Variants in KPNA7 observed in about 807,000 individuals in gnomAD.
The protein encoded by KPNA7 is importin subunit alpha-8.
A neutral mutation model predicts 53.7 loss-of-function variants in KPNA7; 54 were observed. The ratio of observed to expected loss-of-function variants is 1.01; its 90% CI spans 0.81 to 1.26. KPNA7 has a LOEUF of 1.26. KPNA7 is among the 50% of genes most tolerant of loss of function. The pLI is 0.00. For missense variants in KPNA7, 640 were observed against 644.5 expected, an observed-to-expected ratio of 0.99 and a Z score of 0.07; for synonymous variants, 276 against 259.3, an observed-to-expected ratio of 1.06 and a Z score of -0.62.
At chr7:99,193,156 T>C (rs762096903) in intron 5 of KPNA7, 55 bp from the exon 6 acceptor site, 1 of 1,133,730 alleles carries the variant, frequency 8.8e-7, no homozygotes, top group Admixed American at 3.2e-5. Context: ...AATCCTGAAG[T>C]GGGTGACTAA....
chr7:99,178,771 CAAAAAAAAAAAAAAAAAAAAAAAAA>C (rs756807848), intron 9 of KPNA7, among the ~76,000 whole-genome samples: 1 of 27,678 alleles, frequency 3.6e-5, no homozygotes, highest in Non-Finnish European at 6.4e-5. Context: ...ATCTTTGTCT[CAAAAAAAAAAAAAAAAAAAAAAAAA>C]AAAAAAAAAA....
At chr7:99,180,145 G>C (rs766088436) in intron 9 of KPNA7, among the ~76,000 whole-genome samples, 1 of 152,168 alleles carries the variant, frequency 6.6e-6, no homozygotes, top group Non-Finnish European at 1.5e-5. Context: ...CACTCAGGCA[G>C]CCCAATGGAG....
At chr7:99,188,194 A>AAAAAAAAAAC (rs1789725935) in intron 7 of KPNA7, 106 bp downstream of exon 7, 1 of 1,055,758 alleles carries the variant, frequency 9.5e-7, no homozygotes, top group Non-Finnish European at 1.3e-6. Flanking sequence ...AAAAAAAAAA[A>AAAAAAAAAAC]AAAAGCAAAG....
chr7:99,210,468 A>G (rs958593175), upstream of KPNA7, among the ~76,000 whole-genome samples: 16 of 152,102 alleles, frequency 1.1e-4, no homozygotes, highest in African/African-American at 3.9e-4. Flanking sequence ...AGGTACTCAA[A>G]TATTTGTCAA....
chr7:99,189,490 A>AGTGTC (rs1789822926), intron 6 of KPNA7, among the ~76,000 whole-genome samples: 1 of 152,102 alleles, frequency 6.6e-6, no homozygotes, highest in Non-Finnish European at 1.5e-5. Flanking sequence ...ACCAGTAAGG[A>AGTGTC]AACATACCCT....
intron 3 of KPNA7, among the ~76,000 whole-genome samples, chr7:99,196,893 A>T (rs1790254559): frequency 6.6e-6 from 1 of 152,190 alleles, no homozygotes; most frequent in Non-Finnish European, 1.5e-5. Context: ...AAGAATGTTC[A>T]TTGAAAACAG....
In KPNA7 at chr7:99,188,582, C is replaced by T. The variant is rs768314902; in HGVS notation, c.637-19G>A. 6.5e-7 allele frequency: 1 copy of T among 1,547,142 alleles called. No homozygotes were observed. Among genetic ancestry groups the T allele is most frequent in the Non-Finnish European group, 8.7e-7 (1 of 1,143,064 alleles). On this transcript the variant is annotated intron_variant, in intron 6 of 10. Coordinates refer to ENST00000327442, the MANE Select transcript of KPNA7 (RefSeq NM_001145715.3). ...ATGTGATCTGTAACAAGGAGACTGC[C>T]TCCAGCATTGGGTGCAAAGGAGAGA...
rs530363675 is a variant in KPNA7, at chr7:99,207,324, C to T, written c.66+77G>A. ...TTGGGATTACAGGCATGAGCCACCG[C>T]GCCTGGTCTCTTCACCCCGCTTTTT... On this transcript the variant is annotated intron_variant, in intron 2 of 10. Coordinates refer to ENST00000327442, the MANE Select transcript of KPNA7 (RefSeq NM_001145715.3). The T allele has an allele frequency of 4.0e-4, 501 of 1,243,044 alleles. 11 individuals carry two copies. In the South Asian group the frequency reaches 5.8e-3, roughly 14 times the overall value. The allele number at this position is 1,243,044 out of a possible 1,614,324, so 77.0% of individuals were successfully genotyped here.
the KPNA7 span, among the ~76,000 whole-genome samples, chr7:99,163,383 ATTTT>A: frequency 1.3e-3 from 54 of 40,778 alleles, no homozygotes; most frequent in Non-Finnish European, 1.6e-3. Flanking sequence ...ATATATATAT[ATTTT>A]TTTTTTTTTT....
downstream of KPNA7, among the ~76,000 whole-genome samples, chr7:99,169,267 T>TG (rs1411474607): frequency 6.6e-6 from 1 of 152,120 alleles, no homozygotes; most frequent in Non-Finnish European, 1.5e-5. Flanking sequence ...ACTCTGGACT[T>TG]GGGGAGGACA....
intron 6 of KPNA7, among the ~76,000 whole-genome samples, chr7:99,190,335 C>CAAAAAAAAA (rs58257703): frequency 0.025 from 2,438 of 99,012 alleles, 49 homozygotes; most frequent in Middle Eastern, 0.11. Context: ...GACTCTGTCT[C>CAAAAAAAAA]AAAAAAAAAA....
intron 1 of KPNA7, among the ~76,000 whole-genome samples, chr7:99,216,199 T>C (rs1452592448): frequency 1.3e-5 from 2 of 151,882 alleles, no homozygotes; most frequent in Non-Finnish European, 2.9e-5. Flanking sequence ...AGCTAAGTTT[T>C]TTGCATTTTA....
At chr7:99,206,650 A>G (rs1790828788) in intron 2 of KPNA7, among the ~76,000 whole-genome samples, 1 of 151,568 alleles carries the variant, frequency 6.6e-6, no homozygotes, top group East Asian at 2.0e-4. Flanking sequence ...TTGTTTTTGT[A>G]GAGTTGGAGG....
At chr7:99,187,799 TAAAAAAAAA>T (rs55867906) in intron 7 of KPNA7, among the ~76,000 whole-genome samples, 37,338 of 63,578 alleles carry the variant, frequency 0.59, 11,367 homozygotes, top group Non-Finnish European at 0.69. Flanking sequence ...CCTTTTTTTT[TAAAAAAAAA>T]AAAAAAAAAA....
chr7:99,216,696 G>A (rs1485056629), intron 1 of KPNA7, among the ~76,000 whole-genome samples: 1 of 152,146 alleles, frequency 6.6e-6, no homozygotes, highest in Non-Finnish European at 1.5e-5. Context: ...TGAGTAGCTG[G>A]GATTACGGGC....
At chr7:99,185,241 C>T in intron 7 of KPNA7, 79 bp from the exon 8 acceptor site, 1 of 978,940 alleles carries the variant, frequency 1.0e-6, no homozygotes, top group Non-Finnish European at 1.6e-6. Flanking sequence ...GTTCTGTTCT[C>T]TCCCAAACAT....
rs377664445 is a variant in KPNA7, at chr7:99,188,376, C to A, written c.824G>T (p.Arg275Leu). ...CCCCGTGTTAACCACTTGGCCGATG[C>A]GCTTGTTGGAGCCGTCGGTGAGGTA... ...LSYLTDGSNK[R>L]IGQVVNTGVL... The change falls in exon 7 of 11, where the codon CGC (arginine) becomes CTC (leucine). Residue 275 changes from arginine to leucine, a missense_variant. Physicochemically the swap from Arg to Leu is moderately radical, Grantham distance 102. Transcript: ENST00000327442. The A allele has an allele frequency of 5.8e-6, 9 of 1,551,580 alleles. No individual in the cohort carries two copies. In the South Asian group the frequency reaches 8.3e-5, roughly 14 times the overall value.
intron 3 of KPNA7, among the ~76,000 whole-genome samples, chr7:99,201,750 A>G (rs1790549999): frequency 6.7e-6 from 1 of 149,828 alleles, no homozygotes; most frequent in African/African-American, 2.4e-5. Context: ...TCTGTCACCC[A>G]TGGGTTGAAG....
At chr7:99,208,571 T>C (rs1043409164), upstream of KPNA7, among the ~76,000 whole-genome samples, 1 of 149,138 alleles carries the variant, frequency 6.7e-6, no homozygotes, top group African/African-American at 2.5e-5. Context: ...TGGCTTATTT[T>C]TGGTTTTGTT....
Sources: gnomAD v4.1 joint callset for allele counts (sites outside exome capture counted in the v4.1 genomes callset) on GRCh38, gnomAD v4.1.1 for gene constraint, MANE v1.5 for transcripts, NCBI Gene and HGNC (gene_info 2026-07-23, HGNC 2026-07-21) for gene names.